PCDH15: variants seen among roughly 807,000 people sequenced by gnomAD.
PCDH15 encodes the protein protocadherin-15.
PCDH15 carries 129 observed loss-of-function variants against 178.5 expected under a neutral mutation model. The ratio of observed to expected loss-of-function variants is 0.72; its 90% CI spans 0.63 to 0.84. The LOEUF (loss-of-function observed/expected upper bound fraction) is 0.84. Among genes scored for constraint, PCDH15 ranks in the 40% least tolerant of loss-of-function variants. The probability of loss-of-function intolerance (pLI) is 0.00; values close to 1 mark genes in which losing one functional copy is unlikely to be tolerated. For synonymous variants in PCDH15, 800 were observed against 732.0 expected (o/e 1.09, Z -1.50); for missense variants, 2,230 against 2,099.9 (o/e 1.06, Z -1.21).
At chr10:55,231,925 A>G (rs1441660651) in intron 1 of PCDH15, among the ~76,000 whole-genome samples, 1 of 152,066 alleles carries the variant, frequency 6.6e-6, no homozygotes, top group African/African-American at 2.4e-5. Context: ...GATTAATAAT[A>G]GGAAGGGTAA....
intron 15 of PCDH15, among the ~76,000 whole-genome samples, chr10:54,118,842 A>C (rs912706433): frequency 2.0e-5 from 3 of 152,040 alleles, no homozygotes; most frequent in Admixed American, 2.0e-4. Flanking sequence ...AAAATAGCAA[A>C]ATAAATCATA....
intron 3 of PCDH15, among the ~76,000 whole-genome samples, chr10:54,848,107 A>T (rs1564565476): frequency 1.3e-5 from 2 of 152,104 alleles, no homozygotes; most frequent in Non-Finnish European, 2.9e-5. Flanking sequence ...AGTCCAGTGC[A>T]TTGGCTCATG....
chr10:54,601,723 T>A (rs1249681965), intron 2 of PCDH15, among the ~76,000 whole-genome samples: 1 of 151,956 alleles, frequency 6.6e-6, no homozygotes, highest in African/African-American at 2.4e-5. Flanking sequence ...TGATGTATTA[T>A]AAAGACACAT....
At chr10:55,472,237 C>T (rs886137966) in intron 2 of PCDH15, among the ~76,000 whole-genome samples, 2 of 152,134 alleles carry the variant, frequency 1.3e-5, no homozygotes, top group African/African-American at 4.8e-5. Context: ...AGGCATGTAT[C>T]TATTAAATTT....
intron 2 of PCDH15, among the ~76,000 whole-genome samples, chr10:55,140,070 T>C (rs1013316887): frequency 1.3e-5 from 2 of 152,018 alleles, no homozygotes; most frequent in Non-Finnish European, 2.9e-5. Context: ...CATGTGTTCA[T>C]TTCTAGTACA....
At chr10:55,251,707 T>C (rs1483615002) in intron 1 of PCDH15, among the ~76,000 whole-genome samples, 1 of 152,212 alleles carries the variant, frequency 6.6e-6, no homozygotes, top group Non-Finnish European at 1.5e-5. Flanking sequence ...GGTCCAATTG[T>C]TGAATTGTTA....
chr10:55,420,535 G>A (rs943009427), intron 2 of PCDH15, among the ~76,000 whole-genome samples: 2 of 151,472 alleles, frequency 1.3e-5, no homozygotes, highest in East Asian at 1.9e-4. Context: ...GGGATGACAC[G>A]CAGAGAAATC....
At chr10:54,839,006 C>T (rs1024317239) in intron 3 of PCDH15, among the ~76,000 whole-genome samples, 1 of 152,156 alleles carries the variant, frequency 6.6e-6, no homozygotes, top group Non-Finnish European at 1.5e-5. Context: ...AGAGGCACTC[C>T]TGTCACCCTG....
At chr10:54,743,582 C>T (rs1386502486) in intron 1 of PCDH15, among the ~76,000 whole-genome samples, 8 of 151,830 alleles carry the variant, frequency 5.3e-5, no homozygotes, top group Admixed American at 2.0e-4. Context: ...CACTAAAGTA[C>T]AGTTTTAATT....
At chr10:54,973,081 GA>G (rs1838978971) in intron 2 of PCDH15, among the ~76,000 whole-genome samples, 1 of 151,878 alleles carries the variant, frequency 6.6e-6, no homozygotes, top group Admixed American at 6.6e-5. Context: ...AAAATATAGA[GA>G]ATACAAAAAT....
At chr10:54,608,430 A>T (rs2092844142) in intron 2 of PCDH15, among the ~76,000 whole-genome samples, 1 of 152,010 alleles carries the variant, frequency 6.6e-6, no homozygotes, top group African/African-American at 2.4e-5. Flanking sequence ...AGTTTAGTGA[A>T]ACCTCATCAC....
intron 1 of PCDH15, among the ~76,000 whole-genome samples, chr10:55,181,322 A>G (rs886715266): frequency 1.3e-5 from 2 of 152,016 alleles, no homozygotes; most frequent in Admixed American, 1.3e-4. Flanking sequence ...GCTTATGACC[A>G]TTAAACAAAT....
intron 2 of PCDH15, among the ~76,000 whole-genome samples, chr10:54,947,813 A>C (rs1378424457): frequency 6.6e-6 from 1 of 151,892 alleles, no homozygotes; most frequent in Non-Finnish European, 1.5e-5. Flanking sequence ...AGTGTCATCA[A>C]ATTCTATCAA....
upstream of PCDH15, among the ~76,000 whole-genome samples, chr10:55,323,694 A>G (rs771548633): frequency 6.6e-6 from 1 of 152,190 alleles, no homozygotes; most frequent in South Asian, 2.1e-4. Context: ...GTATCTAGGA[A>G]GTAACTAACT....
At chr10:54,734,715 A>C (rs1943850650) in intron 1 of PCDH15, among the ~76,000 whole-genome samples, 1 of 152,014 alleles carries the variant, frequency 6.6e-6, no homozygotes, top group Admixed American at 6.6e-5. Flanking sequence ...AGTACTATTG[A>C]GTGGTAAAAA....
chr10:54,588,794 G>C (rs986889684), intron 2 of PCDH15, among the ~76,000 whole-genome samples: 1 of 151,992 alleles, frequency 6.6e-6, no homozygotes, highest in Non-Finnish European at 1.5e-5. Context: ...GGCTAGTCTT[G>C]AACTCTTGGG....
At chr10:55,515,682 A>G (rs902945162) in intron 2 of PCDH15, among the ~76,000 whole-genome samples, 2 of 152,106 alleles carry the variant, frequency 1.3e-5, no homozygotes, top group East Asian at 3.9e-4. Context: ...TTAAGAATGA[A>G]GAAAATATAC....
intron 26 of PCDH15, among the ~76,000 whole-genome samples, chr10:53,902,041 A>G (rs969759796): frequency 4.1e-4 from 63 of 152,286 alleles, no homozygotes; most frequent in African/African-American, 1.5e-3. Flanking sequence ...TTAGCACATT[A>G]TAGGTACTCA....
chr10:54,583,138 T>C (rs942436122), intron 2 of PCDH15, among the ~76,000 whole-genome samples: 1 of 152,082 alleles, frequency 6.6e-6, no homozygotes, highest in Non-Finnish European at 1.5e-5. Context: ...GACTATAATG[T>C]ATGCACCCCT....
Sources: gnomAD v4.1 joint callset for allele counts (sites outside exome capture counted in the v4.1 genomes callset) on GRCh38, gnomAD v4.1.1 for gene constraint, MANE v1.5 for transcripts, NCBI Gene and HGNC (gene_info 2026-07-23, HGNC 2026-07-21) for gene names.